KAT2B: variants seen among roughly 807,000 people sequenced by gnomAD.
The protein encoded by KAT2B is lysine acetyltransferase 2B.
In KAT2B, 36 loss-of-function variants were observed where a neutral mutation model predicts 105.9. The ratio of observed to expected loss-of-function variants is 0.34; its 90% confidence interval spans 0.26 to 0.45. KAT2B has a LOEUF of 0.45. KAT2B is among the 20% of genes least tolerant of loss of function. The probability of loss-of-function intolerance (pLI) is 1.00; values close to 1 mark genes in which losing one functional copy is unlikely to be tolerated. For synonymous variants in KAT2B, 397 were observed against 377.9 expected (o/e 1.05, Z -0.59); for missense variants, 820 against 1,021.6 (o/e 0.80, Z 2.69).
intron 17 of KAT2B, among the ~76,000 whole-genome samples, chr3:20,150,319 A>T (rs1315116614): frequency 6.6e-6 from 1 of 152,174 alleles, no homozygotes; most frequent in African/African-American, 2.4e-5. Flanking sequence ...CAAATCAGTA[A>T]TTTTACATTT....
At chr3:20,116,216 G>C (rs1699204372) in intron 7 of KAT2B, among the ~76,000 whole-genome samples, 1 of 151,996 alleles carries the variant, frequency 6.6e-6, no homozygotes, top group African/African-American at 2.4e-5. Flanking sequence ...CATGTTTTCT[G>C]TGGTTACTGG....
intron 2 of KAT2B, among the ~76,000 whole-genome samples, chr3:20,091,085 T>C (rs915045126): frequency 6.6e-6 from 1 of 152,148 alleles, no homozygotes; most frequent in African/African-American, 2.4e-5. Context: ...TATTAGTTCT[T>C]TTTAAAGTGT....
intron 11 of KAT2B, among the ~76,000 whole-genome samples, chr3:20,132,736 G>A (rs888470307): frequency 2.0e-5 from 3 of 152,174 alleles, no homozygotes; most frequent in Non-Finnish European, 4.4e-5. Context: ...TGGAGAGATG[G>A]CAAATTTGTG....
At chr3:20,077,711 G>C (rs4407416) in intron 2 of KAT2B, among the ~76,000 whole-genome samples, 41,463 of 152,016 alleles carry the variant, frequency 0.27, 5,782 homozygotes, top group East Asian at 0.47. Context: ...GAATTGTGCT[G>C]GTTTAGAATA....
chr3:20,071,385 A>G (rs566981102), intron 1 of KAT2B, among the ~76,000 whole-genome samples: 3 of 152,328 alleles, frequency 2.0e-5, no homozygotes, highest in Admixed American at 1.3e-4. Flanking sequence ...TTGAAGCAGT[A>G]AATAAATGGT....
At chr3:20,119,278 A>ATTT (rs34386078) in intron 7 of KAT2B, among the ~76,000 whole-genome samples, 1 of 134,592 alleles carries the variant, frequency 7.4e-6, no homozygotes, top group African/African-American at 2.7e-5. Context: ...CCAAATAGTG[A>ATTT]TTTTTTTTTT....
Position 20,153,971 on chromosome 3 carries a change from T to C in KAT2B, c.*1446T>C, listed in dbSNP as rs1052494838. The C allele has an allele frequency of 2.0e-5, 3 of 152,554 alleles. No homozygotes were observed. The highest frequency in any genetic ancestry group is 7.2e-5 in the African/African-American group (3 of 41,466). The allele number at this position is 152,554 out of a possible 1,614,324, so 9.5% of individuals were successfully genotyped here. ...TATTGTTTTTGATATGTAAGAGATA[T>C]TCAGAATGCTCACACTGAAAATGCC... On this transcript the variant is annotated 3_prime_UTR_variant, in exon 18 of 18. Coordinates refer to ENST00000263754, the MANE Select transcript of KAT2B (RefSeq NM_003884.5).
intron 17 of KAT2B, among the ~76,000 whole-genome samples, chr3:20,151,515 G>T (rs918615088): frequency 3.9e-5 from 6 of 151,938 alleles, no homozygotes; most frequent in Non-Finnish European, 8.8e-5. Context: ...AATAAAGCCA[G>T]ACTTCAAGAC....
At chr3:20,047,268 C>T (rs1048251347) in intron 1 of KAT2B, among the ~76,000 whole-genome samples, 1 of 152,012 alleles carries the variant, frequency 6.6e-6, no homozygotes, top group Non-Finnish European at 1.5e-5. Context: ...ACCTGGGTTT[C>T]GCCATGTTTA....
At position 20,095,331 on chromosome 3, in the gene KAT2B, G is replaced by A; in HGVS notation, c.499G>A (p.Asp167Asn). ...EMNRLLGIVL[D>N]VEYLFTCVHK... ...GAACAGACTCCTGGGAATAGTATTG[G>A]ATGTGGAATATCTCTTTACCTGTGT... is the stretch of plus-strand genomic sequence containing the variant. Residue 167 changes from aspartate (D) to asparagine (N), a missense_variant, in exon 3 of 18, where the codon GAT becomes AAT. Coordinates refer to ENST00000263754, the MANE Select transcript of KAT2B (RefSeq NM_003884.5). The A allele has an allele frequency of 6.2e-7, 1 of 1,604,206 alleles. No individual in the cohort carries two copies. Among genetic ancestry groups the A allele is most frequent in the Non-Finnish European group, 8.5e-7 (1 of 1,171,064 alleles).
chr3:20,084,790 C>A (rs1698584659), intron 2 of KAT2B, among the ~76,000 whole-genome samples: 1 of 152,110 alleles, frequency 6.6e-6, no homozygotes, highest in South Asian at 2.1e-4. Context: ...GTTCTTGAGC[C>A]TTCTAAAAAT....
At chr3:20,140,736 C>A (rs1308444300) in intron 13 of KAT2B, among the ~76,000 whole-genome samples, 2 of 152,146 alleles carry the variant, frequency 1.3e-5, no homozygotes, top group African/African-American at 4.8e-5. Flanking sequence ...AAGTGATCCA[C>A]CTGCCTCGGC....
Position 20,140,258 on chromosome 3 carries a change from A to T in KAT2B, c.1898A>T (p.Tyr633Phe). The T allele has an allele frequency of 6.2e-7, 1 of 1,611,330 alleles. No individual in the cohort carries two copies. The highest frequency in any genetic ancestry group is 8.5e-7 in the Non-Finnish European group (1 of 1,177,466). The change falls in exon 13 of 18, where the codon TAT becomes TTT. Residue 633 changes from tyrosine (Y) to phenylalanine (F), a missense_variant. Coordinates refer to ENST00000263754, the MANE Select transcript of KAT2B (RefSeq NM_003884.5). ...GAAATTAAAATACCTAAAACCAAAT[A>T]TGTTGGCTATATCAAGGATTATGAA... ...SKEIKIPKTK[Y>F]VGYIKDYEGA...
At chr3:20,062,202 T>TAA (rs1300995799) in intron 1 of KAT2B, among the ~76,000 whole-genome samples, 1 of 52,726 alleles carries the variant, frequency 1.9e-5, no homozygotes, top group Non-Finnish European at 3.5e-5. Context: ...TATATATATT[T>TAA]TATATAAAAT....
intron 11 of KAT2B, among the ~76,000 whole-genome samples, chr3:20,129,242 T>C (rs1699466181): frequency 6.6e-6 from 1 of 152,052 alleles, no homozygotes; most frequent in Non-Finnish European, 1.5e-5. Context: ...AAAAAGCAAG[T>C]GGAATCCAGT....
At position 20,074,952 on chromosome 3, in the gene KAT2B, A is replaced by G. The variant is rs537365505; in HGVS notation, c.430+2493A>G. 5.3e-5 allele frequency among the ~76,000 whole-genome samples: 8 copies of G among 152,332 alleles called. No homozygotes were observed. In the East Asian group the frequency reaches 1.3e-3, roughly 26 times the overall value. ...ATTGATGTTTCATGAGTATGATCCC[A>G]TTTTATTACTTTAGAAAATATAATA... On this transcript the variant is annotated intron_variant, in intron 2 of 17. Transcript: ENST00000263754.
At chr3:20,108,580 C>A (rs892784491) in intron 5 of KAT2B, among the ~76,000 whole-genome samples, 1 of 152,182 alleles carries the variant, frequency 6.6e-6, no homozygotes, top group African/African-American at 2.4e-5. Context: ...CAAATACTTA[C>A]CATTATGTTA....
intron 7 of KAT2B, 119 bp from the exon 8 acceptor site, chr3:20,119,479 A>T: frequency 1.0e-6 from 1 of 990,468 alleles, no homozygotes; most frequent in Non-Finnish European, 1.5e-6. Flanking sequence ...CTTATGTTTT[A>T]AAGATGACTT....
chr3:20,070,309 CTTT>C (rs66606824), intron 1 of KAT2B, among the ~76,000 whole-genome samples: 3 of 86,510 alleles, frequency 3.5e-5, no homozygotes, highest in Non-Finnish European at 2.4e-5. Flanking sequence ...TTCTTTCTTT[CTTT>C]TTTTTTTTTT....
Sources: gnomAD v4.1 joint callset for allele counts (sites outside exome capture counted in the v4.1 genomes callset) on GRCh38, gnomAD v4.1.1 for gene constraint, MANE v1.5 for transcripts, NCBI Gene and HGNC (gene_info 2026-07-23, HGNC 2026-07-21) for gene names.